The following ZNF705A variants were observed in gnomAD, a reference collection of about 807,000 sequenced individuals.
ZNF705A encodes zinc finger protein 705A.
A neutral mutation model predicts 16.6 loss-of-function variants in ZNF705A; 8 were observed. The ratio of observed to expected loss-of-function variants is 0.48; its 90% CI spans 0.28 to 0.87. The LOEUF is 0.87. Ranked by LOEUF, ZNF705A falls within the 40% of genes least tolerant of loss-of-function variation. ZNF705A has a pLI of 0.10. For missense variants in ZNF705A, 233 were observed against 359.9 expected (o/e 0.65, Z 2.85); for synonymous variants, 73 against 117.3 (o/e 0.62, Z 2.44).
intron 1 of ZNF705A, among the ~76,000 whole-genome samples, chr12:8,161,938 C>T (rs924825025): frequency 6.6e-6 from 1 of 152,160 alleles, no homozygotes; most frequent in Non-Finnish European, 1.5e-5. Context: ...CCATTGTGAG[C>T]ACACCTCACC....
exon 5 of ZNF705A, chr12:8,177,127 T>C: frequency 6.2e-7 from 1 of 1,611,998 alleles, no homozygotes; most frequent in East Asian, 2.2e-5. Context: ...GCAAACAGTG[T>C]GGAAAATCTC....
intron 1 of ZNF705A, among the ~76,000 whole-genome samples, chr12:8,163,560 A>T (rs1948374669): frequency 6.6e-6 from 1 of 152,196 alleles, no homozygotes. Context: ...CATGGACCAT[A>T]TGGCATAAAC....
chr12:8,173,816 G>A (rs773379346), intron 1 of ZNF705A, among the ~76,000 whole-genome samples: 47 of 152,240 alleles, frequency 3.1e-4, no homozygotes, highest in African/African-American at 1.1e-3. Context: ...TAGGAAACAC[G>A]TTTTCTATTA....
chr12:8,170,184 TCCCCCCCC>T (rs35676407), upstream of ZNF705A, among the ~76,000 whole-genome samples: 135 of 65,902 alleles, frequency 2.0e-3, 1 homozygote, highest in African/African-American at 5.2e-3. Flanking sequence ...AGCGAAACTC[TCCCCCCCC>T]CCCCAAAAAA....
rs71042338 is a variant in ZNF705A, at chr12:8,160,564, A to ATT, written c.-72+3488_-72+3489dup. ...TCTTTGGTTAGGTATATTTCTAAGT[A>ATT]TTTTTTTTTTTTTTTTTGCAGCTGT... On this transcript the variant is annotated intron_variant, in intron 1 of 5. Coordinates refer to the ZNF705A transcript ENST00000396570. 8.1e-5 allele frequency among the ~76,000 whole-genome samples: 11 copies of ATT among 135,908 alleles called. No individual in the cohort carries two copies. In the South Asian group the frequency reaches 9.1e-4, roughly 11 times the overall value. 89.2% of individuals were successfully genotyped at this position (135,908 alleles called of 152,430 possible). A position where few individuals can be genotyped will look rare whatever the true frequency, so the allele number is the denominator to read the frequency against.
At chr12:8,163,860 G>A (rs1262926948) in intron 1 of ZNF705A, among the ~76,000 whole-genome samples, 3 of 152,072 alleles carry the variant, frequency 2.0e-5, no homozygotes, top group African/African-American at 7.2e-5. Context: ...AAAAACAAGG[G>A]AACATCTACC....
chr12:8,158,055 A>C lies in ZNF705A; in HGVS notation c.-72+963A>C, dbSNP rs376342466. On this transcript the variant is annotated intron_variant, in intron 1 of 5. Transcript: ENST00000396570. ...CTATAGATCATGGATTATAGTGTCC[A>C]GTGTGACATCATTAAGTTAATTTGT... 2.6e-4 allele frequency among the ~76,000 whole-genome samples: 40 copies of C among 152,256 alleles called. No individual in the cohort carries two copies. In the South Asian group the frequency reaches 7.9e-3, roughly 30 times the overall value.
rs371353101 is a variant in ZNF705A at position 8,162,600 on chromosome 12, C to G, written c.-72+5508C>G. Among the ~76,000 whole-genome samples, 488 of 152,234 alleles carry G rather than the reference C, an allele frequency of 3.2e-3. 5 individuals carry two copies. Among genetic ancestry groups the G allele is most frequent in the African/African-American group, 0.011 (456 of 41,544 alleles). ...CAAGCTGCCTCTTCTCAAGCAGCATCCATTTCCCACCTAATCCTTTGTCTT... is the reference window on the plus strand; with the variant it reads ...CAAGCTGCCTCTTCTCAAGCAGCATGCATTTCCCACCTAATCCTTTGTCTT... On this transcript the variant is annotated intron_variant, in intron 1 of 5. Transcript: ENST00000396570.
intron 1 of ZNF705A, among the ~76,000 whole-genome samples, chr12:8,159,288 T>C (rs898822252): frequency 6.6e-6 from 1 of 152,188 alleles, no homozygotes; most frequent in Non-Finnish European, 1.5e-5. Flanking sequence ...CATGTGCAAG[T>C]ATCTTTTTTG....
chr12:8,162,275 G>A (rs1375311389), intron 1 of ZNF705A, among the ~76,000 whole-genome samples: 1 of 152,114 alleles, frequency 6.6e-6, no homozygotes, highest in Non-Finnish European at 1.5e-5. Flanking sequence ...TGACTGGTCT[G>A]GGCAAACATG....
At chr12:8,171,483 A>AC (rs1948444760), upstream of ZNF705A, among the ~76,000 whole-genome samples, 1 of 152,196 alleles carries the variant, frequency 6.6e-6, no homozygotes, top group African/African-American at 2.4e-5. Flanking sequence ...ACTAATATAA[A>AC]CCACGATTGC....
upstream of ZNF705A, among the ~76,000 whole-genome samples, chr12:8,171,869 TG>T (rs1441408448): frequency 1.3e-5 from 2 of 152,304 alleles, no homozygotes; most frequent in East Asian, 3.9e-4. Context: ...CCTGAGTAGC[TG>T]GGATTACAGG....
chr12:8,175,786 A>G (rs912858377), intron 3 of ZNF705A, 74 bp from the exon 5 acceptor site: 2 of 1,603,474 alleles, frequency 1.2e-6, no homozygotes, highest in African/African-American at 2.7e-5. Context: ...AAAAAAGTAA[A>G]TGGGCCTTGG....
chr12:8,166,053 G>A (rs1948396879), intron 1 of ZNF705A, among the ~76,000 whole-genome samples: 1 of 152,178 alleles, frequency 6.6e-6, no homozygotes, highest in Non-Finnish European at 1.5e-5. Flanking sequence ...CTGCTGACAA[G>A]GGCCAGTGTT....
chr12:8,177,199 A>T (rs749331143), exon 5 of ZNF705A: 1 of 1,612,014 alleles, frequency 6.2e-7, no homozygotes, highest in Middle Eastern at 2.3e-4. Flanking sequence ...AATCATATCA[A>T]TGTAATCTAT....
At chr12:8,159,636 T>A (rs1166333499) in intron 1 of ZNF705A, among the ~76,000 whole-genome samples, 1 of 149,974 alleles carries the variant, frequency 6.7e-6, no homozygotes, top group Non-Finnish European at 1.5e-5. Flanking sequence ...TTCATGTCTT[T>A]AGCCCACTTT....
upstream of ZNF705A, among the ~76,000 whole-genome samples, chr12:8,169,970 A>G (rs1191958780): frequency 6.6e-6 from 1 of 152,256 alleles, no homozygotes; most frequent in East Asian, 1.9e-4. Context: ...CTAGCGGATC[A>G]CCTGAGGTCA....
At chr12:8,173,565 G>A (rs1362198755) in intron 1 of ZNF705A, among the ~76,000 whole-genome samples, 2 of 152,118 alleles carry the variant, frequency 1.3e-5, no homozygotes, top group African/African-American at 2.4e-5. Context: ...AGGAATCATC[G>A]GACTAAGATT....
At chr12:8,163,870 C>T (rs1259250743) in intron 1 of ZNF705A, among the ~76,000 whole-genome samples, 4 of 152,052 alleles carry the variant, frequency 2.6e-5, no homozygotes, top group African/African-American at 9.7e-5. Flanking sequence ...GAACATCTAC[C>T]CCTCCTTTTA....
Sources: allele counts gnomAD v4.1 joint callset (sites outside exome capture counted in the v4.1 genomes callset), GRCh38; gene constraint gnomAD v4.1.1; transcripts MANE v1.5; gene names NCBI Gene and HGNC (gene_info 2026-07-23, HGNC 2026-07-21).